The following MUC5B variants were observed in gnomAD, a reference collection of about 807,000 sequenced individuals.
MUC5B encodes mucin-5B.
Under a neutral mutation model 376.9 loss-of-function variants are expected in MUC5B, and 116 were observed. The observed-to-expected ratio is 0.31, with a 90% CI of 0.26 to 0.36. The LOEUF is 0.36. MUC5B is among the 10% of genes least tolerant of loss of function. The pLI is 1.00. For missense variants in MUC5B, 7,165 were observed against 7,769.9 expected, an observed-to-expected ratio of 0.92 and a Z score of 2.93; for synonymous variants, 3,517 against 3,390.9, an observed-to-expected ratio of 1.04 and a Z score of -1.29.
chr11:1,225,360 G>A (rs1861855670), intron 1 of MUC5B, among the ~76,000 whole-genome samples: 1 of 152,338 alleles, frequency 6.6e-6, no homozygotes, highest in Non-Finnish European at 1.5e-5. Context: ...CACCATCCCC[G>A]CCTGTCAGTC....
Position 1,240,851 on chromosome 11 carries a change from G to A in MUC5B, c.3971G>A (p.Ser1324Asn). ...TTAWVPHSTT[S>N]PALPVSTVCV... Reference sequence around the variant, plus strand: ...GACCCCTTTCCCATGCCCCTTGCAGGCCCGGCCCTCCCGGTCTCCACCGTG... The same window carrying A: ...GACCCCTTTCCCATGCCCCTTGCAGACCCGGCCCTCCCGGTCTCCACCGTG... The change falls in exon 31 of 49, where the codon AGC becomes AAC. Residue 1324 changes from serine to asparagine, a missense_variant and splice_region_variant. By Grantham distance (46) the Ser-to-Asn change is conservative. Transcript: ENST00000529681. 2 of 1,605,706 alleles carry A rather than the reference G, an allele frequency of 1.2e-6. No individual in the cohort carries two copies. Among genetic ancestry groups the A allele is most frequent in the Non-Finnish European group, 1.7e-6 (2 of 1,176,738 alleles).
At chr11:1,228,088 G>C (rs1312981949) in intron 7 of MUC5B, among the ~76,000 whole-genome samples, 2 of 152,208 alleles carry the variant, frequency 1.3e-5, no homozygotes, top group African/African-American at 4.8e-5. Flanking sequence ...GGTGGACTCA[G>C]AAGGGGCCTG....
In MUC5B at chr11:1,260,721, G is replaced by A. The variant is rs1296100806; in HGVS notation, c.17062G>A (p.Ala5688Thr). Residue 5688 changes from alanine (A) to threonine (T), a missense_variant, in exon 48 of 49, where the codon GCG (alanine) becomes ACG (threonine). Coordinates refer to ENST00000529681, the MANE Select transcript of MUC5B (RefSeq NM_002458.3). ...CTTCTGCGAGGGCTCCTGCCCCGGA[G>A]CGTCCAAGTGAGTGGGCTCCTGGCC... is the stretch of plus-strand genomic sequence containing the variant. ...ITFCEGSCPG[A>T]SKYSAEAQAM... The A allele has an allele frequency of 6.2e-7, 1 of 1,609,120 alleles. No homozygotes were observed. Among genetic ancestry groups the A allele is most frequent in the Non-Finnish European group, 8.5e-7 (1 of 1,178,030 alleles).
At chr11:1,239,691 C>T (rs1228734841) in intron 27 of MUC5B, 108 bp from the exon 28 acceptor site, 2 of 1,487,504 alleles carry the variant, frequency 1.3e-6, no homozygotes, top group Non-Finnish European at 1.8e-6. Context: ...GCCTTGAGGG[C>T]AGGCCCCTGC....
At position 1,241,791 on chromosome 11, in the gene MUC5B, G is replaced by A. The variant is rs56257795; in HGVS notation, c.4911G>A (p.Pro1637=). Residue 1637 remains proline (P), a synonymous_variant, in exon 31 of 49, where the codon CCG becomes CCA. Transcript: ENST00000529681. The part of the protein sequence containing the change: ...LFSTPQPTSS[P]GLTRAPPAST... ...CAACGCCGCAGCCTACGAGTAGCCC[G>A]GGGCTGACCAGGGCTCCCCCGGCCA... 3.6e-5 allele frequency: 58 copies of A among 1,612,038 alleles called. No individual in the cohort carries two copies. The highest frequency in any genetic ancestry group is 2.2e-4 in the Admixed American group (13 of 59,824).
rs1324614540 is a variant in MUC5B at position 1,257,738 on chromosome 11, G to A, written c.16450+28G>A. Reference sequence around the variant, plus strand: ...AAGACGCTGCAGAGCAGAGGTGCCCGGCATAGGGTGAGGGGGGACAGAGCC... The same window carrying A: ...AAGACGCTGCAGAGCAGAGGTGCCCAGCATAGGGTGAGGGGGGACAGAGCC... On this transcript the variant is annotated intron_variant, in intron 41 of 48. Coordinates refer to ENST00000529681, the MANE Select transcript of MUC5B (RefSeq NM_002458.3). The surrounding 1 kb of genome is among the most constrained non-coding windows in gnomAD (Gnocchi z 8.9). 2.2e-5 allele frequency: 33 copies of A among 1,521,336 alleles called. No homozygotes were observed. Among genetic ancestry groups the A allele is most frequent in the South Asian group, 8.5e-5 (7 of 82,504 alleles). The allele number at this position is 1,521,336 out of a possible 1,614,324, so 94.2% of individuals were successfully genotyped here.
chr11:1,239,470 G>A lies in MUC5B; in HGVS notation c.3487G>A (p.Gly1163Ser), dbSNP rs1023979019. ...LFCDFYNPHGGCEWHYQPCGA... is the reference protein window; with the variant it reads ...LFCDFYNPHGSCEWHYQPCGA... ...CTGTGACTTCTACAACCCACATGGGGGCTGTGAGTGGCACTACCAGCCCTG... is the reference window on the plus strand; with the variant it reads ...CTGTGACTTCTACAACCCACATGGGAGCTGTGAGTGGCACTACCAGCCCTG... The change falls in exon 27 of 49, where the codon GGC (glycine) becomes AGC (serine). Residue 1163 changes from glycine to serine, a missense_variant. Coordinates refer to ENST00000529681, the MANE Select transcript of MUC5B (RefSeq NM_002458.3). The A allele has an allele frequency of 6.2e-7, 1 of 1,608,078 alleles. No homozygotes were observed.
intron 3 of MUC5B, 113 bp from the exon 4 acceptor site, chr11:1,226,502 C>A (rs1321646638): frequency 7.0e-7 from 1 of 1,422,220 alleles, no homozygotes; most frequent in East Asian, 2.5e-5. Context: ...CAGGGCACAG[C>A]CAGCAGCCGA....
In MUC5B at chr11:1,251,363, C is replaced by A. The variant is rs1277852616; in HGVS notation, c.14483C>A (p.Thr4828Lys). 6.2e-7 allele frequency: 1 copy of A among 1,608,172 alleles called. No homozygotes were observed. The highest frequency in any genetic ancestry group is 8.5e-7 in the Non-Finnish European group (1 of 1,176,742). ...ACTGAGCTGACCACAACAGCCACTA[C>A]AACTGCAGCCACTGGATCCACGGCC... ...ILTELTTTAT[T>K]TAATGSTATL... The change falls in exon 31 of 49, where the codon ACA (threonine) becomes AAA (lysine). Residue 4828 changes from threonine (T) to lysine (K), a missense_variant. By Grantham distance (78) the Thr-to-Lys change is moderately conservative. Coordinates refer to ENST00000529681, the MANE Select transcript of MUC5B (RefSeq NM_002458.3).
rs755520172 is a variant in MUC5B at position 1,249,503 on chromosome 11, G to A, written c.12623G>A (p.Gly4208Glu). 7.5e-5 allele frequency: 121 copies of A among 1,611,598 alleles called. No homozygotes were observed. Among genetic ancestry groups the A allele is most frequent in the Middle Eastern group, 2.1e-4 (1 of 4,694 alleles). The change falls in exon 31 of 49, where the codon GGG becomes GAG. Residue 4208 changes from glycine to glutamate, a missense_variant. Physicochemically the swap from Gly to Glu is moderately conservative, Grantham distance 98 (BLOSUM62 -2). Transcript: ENST00000529681. The stretch of plus-strand genomic sequence containing the variant: ...GTCTGCAGGAACCGTGAGCAGGTGG[G>A]GAAGTTCAAGATGTGCTTCAACTAT... Reference protein sequence around the residue: ...GLVCRNREQVGKFKMCFNYEI... With the variant: ...GLVCRNREQVEKFKMCFNYEI...
chr11:1,246,288 A>T lies in MUC5B; in HGVS notation c.9408A>T (p.Thr3136=). The T allele has an allele frequency of 1.2e-6, 2 of 1,610,810 alleles. No individual in the cohort carries two copies. Among genetic ancestry groups the T allele is most frequent in the Non-Finnish European group, 1.7e-6 (2 of 1,178,160 alleles). ...CTCCGGGGACGACCTGGATCCTCAC[A>T]GAGCTGACCACAGCAGCCACTACAA... ...SSTPGTTWIL[T]ELTTAATTTA... is the part of the protein sequence containing the mutation. Residue 3136 remains threonine (T), a synonymous_variant, in exon 31 of 49, where the codon ACA becomes ACT. Coordinates refer to ENST00000529681, the MANE Select transcript of MUC5B (RefSeq NM_002458.3).
At position 1,242,454 on chromosome 11, in the gene MUC5B, G is replaced by A. The variant is rs1862311720; in HGVS notation, c.5574G>A (p.Lys1858=). The A allele has an allele frequency of 2.5e-6, 4 of 1,613,700 alleles. No homozygotes were observed. Among genetic ancestry groups the A allele is most frequent in the Non-Finnish European group, 8.5e-7 (1 of 1,179,828 alleles). ...GCCTGGAGACGGGGCTGACCTGCAAGAACGAAGACCAGACAGGCAGGTTCA... is the reference window on the plus strand; with the variant it reads ...GCCTGGAGACGGGGCTGACCTGCAAAAACGAAGACCAGACAGGCAGGTTCA... ...TCSLETGLTC[K]NEDQTGRFNM... Residue 1858 remains lysine (K), a synonymous_variant, in exon 31 of 49, where the codon AAG becomes AAA. Coordinates refer to ENST00000529681, the MANE Select transcript of MUC5B (RefSeq NM_002458.3).
rs758181460 is a variant in MUC5B, at chr11:1,247,357, C to T, written c.10477C>T (p.His3493Tyr). Reference sequence around the variant, plus strand: ...CACAGAGCCTTCCACGGTGACTTCCCACACCCCAGCAGCAACCACCAGTAC... The same window carrying T: ...CACAGAGCCTTCCACGGTGACTTCCTACACCCCAGCAGCAACCACCAGTAC... ...HITEPSTVTS[H>Y]TPAATTSTTQ... is the part of the protein sequence containing the mutation. Residue 3493 changes from histidine to tyrosine, a missense_variant, in exon 31 of 49, where the codon CAC becomes TAC. By Grantham distance (83) the His-to-Tyr change is moderately conservative (BLOSUM62 2). This residue lies in a region of MUC5B where 939 missense variants were observed against 770.6 expected (regional missense o/e 1.22). Transcript: ENST00000529681. The T allele has an allele frequency of 5.6e-6, 9 of 1,610,870 alleles. No homozygotes were observed. The Admixed American group carries it at 1.0e-4, about 18-fold the overall frequency.
In MUC5B at chr11:1,250,419, A is replaced by C. The variant is rs1276306021; in HGVS notation, c.13539A>C (p.Thr4513=). 3.1e-6 allele frequency: 5 copies of C among 1,605,988 alleles called. No individual in the cohort carries two copies. In the African/African-American group the frequency reaches 6.7e-5, roughly 22 times the overall value. Residue 4513 remains threonine, a synonymous_variant, in exon 31 of 49, where the codon ACA becomes ACC. Transcript: ENST00000529681. The part of the protein sequence containing the change: ...TATALPALRS[T]ATTPTATSFT... Reference sequence around the variant, plus strand: ...CTGCCCTTCCAGCACTGAGAAGCACAGCCACCACACCCACAGCTACCAGCT... The same window carrying C: ...CTGCCCTTCCAGCACTGAGAAGCACCGCCACCACACCCACAGCTACCAGCT...
Position 1,227,299 on chromosome 11 carries a change from C to T in MUC5B, c.577-9C>T. ...TCCTGAGGCTGGAGCTGCCCCTCCCCACTCTCAGCTGGAGCTGGATCCCAA... is the reference window on the plus strand; with the variant it reads ...TCCTGAGGCTGGAGCTGCCCCTCCCTACTCTCAGCTGGAGCTGGATCCCAA... On this transcript the variant is annotated splice_polypyrimidine_tract_variant and intron_variant, in intron 5 of 48. Transcript: ENST00000529681. 1 of 1,610,620 alleles carries T rather than the reference C, an allele frequency of 6.2e-7. No homozygotes were observed. The highest frequency in any genetic ancestry group is 8.5e-7 in the Non-Finnish European group (1 of 1,178,064).
chr11:1,240,563 C>G (rs1209699851), intron 30 of MUC5B, among the ~76,000 whole-genome samples, 188 bp downstream of exon 30: 2 of 152,200 alleles, frequency 1.3e-5, no homozygotes, highest in African/African-American at 4.8e-5. Context: ...GAAGCCTCAG[C>G]ACAATGATTG....
rs1480621442 is a variant in MUC5B at position 1,257,488 on chromosome 11, G to T, written c.16270-42G>T. 1 of 1,594,676 alleles carries T rather than the reference G, an allele frequency of 6.3e-7. No individual in the cohort carries two copies. Reference sequence around the variant, plus strand: ...GGACAGATGCCCAGGGTTGACCTGTGTCTGTCCAGGAGCCCTCAGGGACCC... The same window carrying T: ...GGACAGATGCCCAGGGTTGACCTGTTTCTGTCCAGGAGCCCTCAGGGACCC... On this transcript the variant is annotated intron_variant, in intron 40 of 48. Coordinates refer to ENST00000529681, the MANE Select transcript of MUC5B (RefSeq NM_002458.3). The surrounding 1 kb of genome is among the most constrained non-coding windows in gnomAD (Gnocchi z 8.9).
intron 1 of MUC5B, among the ~76,000 whole-genome samples, chr11:1,223,866 G>A (rs1404985312): frequency 6.6e-6 from 1 of 152,222 alleles, no homozygotes; most frequent in East Asian, 1.9e-4. Context: ...GCCACCGGGA[G>A]ACACCCAGCC....
chr11:1,248,109 C>T lies in MUC5B; in HGVS notation c.11229C>T (p.Ser3743=). ...CCGGATCCACGGCCACCGCCTCCTC[C>T]ACCCAGGCAACTGCTGGCACCCCAC... ...VPTGSTATAS[S]TQATAGTPHV... is the part of the protein sequence containing the mutation. Residue 3743 remains serine (S), a synonymous_variant, in exon 31 of 49, where the codon TCC becomes TCT. Coordinates refer to ENST00000529681, the MANE Select transcript of MUC5B (RefSeq NM_002458.3). 12 of 1,600,428 alleles carry T rather than the reference C, an allele frequency of 7.5e-6. No homozygotes were observed. Among genetic ancestry groups the T allele is most frequent in the Non-Finnish European group, 1.0e-5 (12 of 1,173,672 alleles).
Sources: allele counts gnomAD v4.1 joint callset (sites outside exome capture counted in the v4.1 genomes callset), GRCh38; gene constraint gnomAD v4.1.1; regional missense constraint gnomAD v4.1.1; non-coding constraint Gnocchi (gnomAD v3.1); transcripts MANE v1.5; gene names NCBI Gene and HGNC (gene_info 2026-07-23, HGNC 2026-07-21).